Variants in TMEM131 observed in about 807,000 individuals in gnomAD.
TMEM131 encodes the protein 2610524E03Rik.
A neutral mutation model predicts 211.6 loss-of-function variants in TMEM131; 66 were observed. The observed-to-expected ratio is 0.31, with a 90% CI of 0.26 to 0.38. TMEM131 has a LOEUF of 0.38. Among genes scored for constraint, TMEM131 ranks in the 10% least tolerant of loss-of-function variants. The probability of loss-of-function intolerance (pLI) is 1.00; values close to 1 mark genes in which losing one functional copy is unlikely to be tolerated. For synonymous variants in TMEM131, 844 were observed against 841.3 expected (o/e 1.00, Z -0.06); for missense variants, 2,036 against 2,299.3 (o/e 0.89, Z 2.34).
intron 3 of TMEM131, among the ~76,000 whole-genome samples, chr2:97,899,264 C>A (rs1317293786): frequency 6.6e-6 from 1 of 152,124 alleles, no homozygotes; most frequent in East Asian, 1.9e-4. Flanking sequence ...GGTCTTTTTA[C>A]ATTTAACCTA....
intron 2 of TMEM131, among the ~76,000 whole-genome samples, chr2:97,924,107 G>A (rs1265660552): frequency 6.6e-6 from 1 of 151,928 alleles, no homozygotes; most frequent in Non-Finnish European, 1.5e-5. Context: ...ATTAGAGGCC[G>A]AGCATGGTGA....
chr2:97,979,417 T>C (rs147761762), intron 1 of TMEM131, among the ~76,000 whole-genome samples: 30 of 152,356 alleles, frequency 2.0e-4, no homozygotes, highest in Admixed American at 7.8e-4. Flanking sequence ...GGCTGTTTCA[T>C]CTACATGGAA....
chr2:97,808,879 G>A (rs759080847), intron 19 of TMEM131, among the ~76,000 whole-genome samples: 11 of 152,158 alleles, frequency 7.2e-5, no homozygotes, highest in Non-Finnish European at 1.2e-4. Context: ...TGAAAGACAC[G>A]CAGGAGTTCT....
chr2:97,844,801 A>G (rs1683348730), intron 5 of TMEM131, among the ~76,000 whole-genome samples: 1 of 152,198 alleles, frequency 6.6e-6, no homozygotes, highest in Admixed American at 6.5e-5. Context: ...TATAGTTAGT[A>G]AAATAAAATG....
At chr2:97,863,460 G>C (rs955408886) in intron 4 of TMEM131, among the ~76,000 whole-genome samples, 7 of 152,102 alleles carry the variant, frequency 4.6e-5, no homozygotes, top group African/African-American at 1.7e-4. Flanking sequence ...TTAAGAGACA[G>C]CTCACAGAAT....
chr2:97,868,166 C>T (rs1300133019), intron 4 of TMEM131, among the ~76,000 whole-genome samples: 1 of 151,956 alleles, frequency 6.6e-6, no homozygotes, highest in Non-Finnish European at 1.5e-5. Context: ...ATGTAATATC[C>T]CCCTTTATTC....
intron 1 of TMEM131, among the ~76,000 whole-genome samples, chr2:97,939,252 A>G (rs1251917909): frequency 5.3e-5 from 8 of 152,210 alleles, no homozygotes; most frequent in Non-Finnish European, 1.2e-4. Flanking sequence ...TGGTTTTTTG[A>G]AAAGATCAAC....
At position 97,770,416 on chromosome 2, in the gene TMEM131, C is replaced by T. The variant is rs577805289; in HGVS notation, c.4448+1881G>A. ...GTTACAAAAGACAGTTTCAAGCACA[C>T]GGCTTGATTTGTGTTCTGGTAATGA... On this transcript the variant is annotated intron_variant, in intron 33 of 40. Transcript: ENST00000186436. Among the ~76,000 whole-genome samples, 7 of 152,286 alleles carry T rather than the reference C, an allele frequency of 4.6e-5. No individual in the cohort carries two copies. The South Asian group carries it at 1.2e-3, about 27-fold the overall frequency.
intron 26 of TMEM131, 116 bp from the exon 27 acceptor site, chr2:97,797,102 G>C (rs1680804031): frequency 8.7e-7 from 1 of 1,149,618 alleles, no homozygotes. Context: ...TTAATGGTGA[G>C]AATTTATACT....
intron 31 of TMEM131, 117 bp downstream of exon 31, chr2:97,792,269 A>C (rs1680531184): frequency 1.2e-6 from 1 of 812,420 alleles, no homozygotes; most frequent in African/African-American, 1.7e-5. Context: ...GATAAATCTG[A>C]GCCAGAGGAA....
At chr2:97,954,806 CAAAAAAAAAAAAA>C (rs778680522) in intron 1 of TMEM131, among the ~76,000 whole-genome samples, 1 of 37,056 alleles carries the variant, frequency 2.7e-5, no homozygotes, top group African/African-American at 1.2e-4. Context: ...AACTCCATCT[CAAAAAAAAAAAAA>C]AAAAAAAAAA....
chr2:97,974,008 G>C (rs1408493774), intron 1 of TMEM131, among the ~76,000 whole-genome samples: 1 of 152,166 alleles, frequency 6.6e-6, no homozygotes, highest in Non-Finnish European at 1.5e-5. Flanking sequence ...GCACACACAA[G>C]AGACAGAAAA....
At chr2:97,972,478 G>GGGAGGGAA (rs1425399515) in intron 1 of TMEM131, among the ~76,000 whole-genome samples, 20 of 148,428 alleles carry the variant, frequency 1.3e-4, no homozygotes, top group African/African-American at 4.8e-4. Context: ...GCGGGCGGGA[G>GGGAGGGAA]GGAGGGAAGG....
chr2:97,760,735 G>A (rs1678791704), intron 37 of TMEM131, 46 bp from the exon 38 acceptor site: 1 of 1,613,914 alleles, frequency 6.2e-7, no homozygotes, highest in Non-Finnish European at 8.5e-7. Flanking sequence ...TTAGGACAGA[G>A]GTCATTCCAC....
intron 3 of TMEM131, among the ~76,000 whole-genome samples, chr2:97,902,956 G>A (rs1230940315): frequency 6.6e-6 from 1 of 152,112 alleles, no homozygotes; most frequent in African/African-American, 2.4e-5. Flanking sequence ...TCCTCAGCTT[G>A]CAGACGGCCT....
chr2:97,763,028 C>T (rs890166892), intron 35 of TMEM131: 2 of 152,206 alleles, frequency 1.3e-5, no homozygotes, highest in Non-Finnish European at 2.9e-5. Flanking sequence ...CCTGTGAATT[C>T]CCATCACCAC....
chr2:97,857,541 T>C (rs1366973180), intron 5 of TMEM131, among the ~76,000 whole-genome samples: 2 of 152,360 alleles, frequency 1.3e-5, no homozygotes, highest in Non-Finnish European at 1.5e-5. Context: ...ATAAAATGTA[T>C]AGTGCAATTG....
At chr2:97,824,373 T>C (rs1480306588) in intron 11 of TMEM131, among the ~76,000 whole-genome samples, 2 of 152,236 alleles carry the variant, frequency 1.3e-5, no homozygotes, top group Admixed American at 1.3e-4. Context: ...ACCTGGACAC[T>C]GGTGCAGCCT....
chr2:97,758,119 A>C (rs899845178), intron 40 of TMEM131, among the ~76,000 whole-genome samples: 1 of 151,766 alleles, frequency 6.6e-6, no homozygotes, highest in African/African-American at 2.4e-5. Flanking sequence ...GCTACAGAGC[A>C]AGACTCTGTC....
Sources: allele counts gnomAD v4.1 joint callset (sites outside exome capture counted in the v4.1 genomes callset), GRCh38; gene constraint gnomAD v4.1.1; transcripts MANE v1.5; gene names NCBI Gene and HGNC (gene_info 2026-07-23, HGNC 2026-07-21).